Variants in RPUSD4 observed in about 807,000 individuals in gnomAD.
The protein encoded by RPUSD4 is RNA pseudouridine synthase D4, also known as pseudouridylate synthase RPUSD4, mitochondrial.
RPUSD4 carries 37 observed loss-of-function variants against 35.4 expected under a neutral mutation model. That is an observed-to-expected ratio of 1.04 (90% CI 0.80 to 1.37). The LOEUF (loss-of-function observed/expected upper bound fraction) is 1.37, where lower values mean the gene tolerates loss of function less well. Ranked by LOEUF, RPUSD4 falls within the 40% of genes most tolerant of loss-of-function variation. RPUSD4 has a pLI of 0.00. For missense variants in RPUSD4, 507 were observed against 484.9 expected (o/e 1.05, Z -0.43); for synonymous variants, 210 against 192.7 (o/e 1.09, Z -0.74).
intron 5 of RPUSD4, among the ~76,000 whole-genome samples, chr11:126,204,864 C>T (rs1419429726): frequency 1.3e-5 from 2 of 152,140 alleles, no homozygotes; most frequent in African/African-American, 4.8e-5. Context: ...TTTACCCTAC[C>T]CTAAGATTTT....
chr11:126,211,105 A>G (rs1237789349), intron 1 of RPUSD4, 50 bp from the exon 2 acceptor site: 1 of 1,595,764 alleles, frequency 6.3e-7, no homozygotes, highest in Admixed American at 1.7e-5. Context: ...GAAGCCGTGG[A>G]GAAGACCTTC....
In RPUSD4 at chr11:126,205,546, C is replaced by T; in HGVS notation, c.718G>A (p.Ala240Thr). 1.9e-6 allele frequency: 3 copies of T among 1,614,260 alleles called. No individual in the cohort carries two copies. Among genetic ancestry groups the T allele is most frequent in the Non-Finnish European group, 2.5e-6 (3 of 1,180,038 alleles). ...KMVKVRRSRN[A>T]QVAVTQYQVL... ...TGGTACTGAGTTACAGCAACTTGCG[C>T]ATTCCGGCTGCGCCGCACTTTCACC... Residue 240 changes from alanine to threonine, a missense_variant, in exon 5 of 7, where the codon GCG (alanine) becomes ACG (threonine). Coordinates refer to ENST00000298317, the MANE Select transcript of RPUSD4 (RefSeq NM_032795.3).
At chr11:126,206,991 C>A (rs532125071) in intron 3 of RPUSD4, among the ~76,000 whole-genome samples, 1 of 152,124 alleles carries the variant, frequency 6.6e-6, no homozygotes, top group Non-Finnish European at 1.5e-5. Flanking sequence ...AGAATGGTTA[C>A]CAATTTTGAA....
intron 6 of RPUSD4, 145 bp from the exon 7 acceptor site, chr11:126,203,802 G>C (rs1322956688): frequency 4.7e-6 from 5 of 1,066,106 alleles, no homozygotes; most frequent in Non-Finnish European, 5.2e-6. Flanking sequence ...TCAGTGGCAT[G>C]TCTAAGAACG....
chr11:126,210,402 T>C (rs1334199345), intron 2 of RPUSD4, among the ~76,000 whole-genome samples: 1 of 152,198 alleles, frequency 6.6e-6, no homozygotes, highest in Non-Finnish European at 1.5e-5. Context: ...AAATCAATCT[T>C]TCCTGATTCA....
In RPUSD4 at chr11:126,205,729, T is replaced by G; in HGVS notation, c.610A>C (p.Ile204Leu). 2.5e-6 allele frequency: 4 copies of G among 1,613,326 alleles called. No homozygotes were observed. Among genetic ancestry groups the G allele is most frequent in the Non-Finnish European group, 3.4e-6 (4 of 1,179,526 alleles). The change falls in exon 4 of 7, where the codon ATT becomes CTT. Residue 204 changes from isoleucine (I) to leucine (L), a missense_variant. Coordinates refer to ENST00000298317, the MANE Select transcript of RPUSD4 (RefSeq NM_032795.3). Reference protein sequence around the residue: ...MPSAGVVDIPIVEKEAQGQQQ... With the variant: ...MPSAGVVDIPLVEKEAQGQQQ... ...TGGCCTTGCGCCTCCTTCTCCACAATGGGGATGTCCACGACTCCTGCTGAG... is the reference window on the plus strand; with the variant it reads ...TGGCCTTGCGCCTCCTTCTCCACAAGGGGGATGTCCACGACTCCTGCTGAG...
chr11:126,208,715 A>G (rs549975603), intron 3 of RPUSD4: 1 of 152,374 alleles, frequency 6.6e-6, no homozygotes, highest in South Asian at 2.1e-4. Flanking sequence ...CCAGACACGC[A>G]TATACTGCGT....
At chr11:126,210,216 G>A (rs904079861) in intron 2 of RPUSD4, among the ~76,000 whole-genome samples, 2 of 151,938 alleles carry the variant, frequency 1.3e-5, no homozygotes, top group Non-Finnish European at 2.9e-5. Flanking sequence ...ACTTCATTGG[G>A]GAATGGAAAG....
intron 5 of RPUSD4, among the ~76,000 whole-genome samples, chr11:126,204,907 T>C (rs1447649435): frequency 2.6e-5 from 4 of 152,230 alleles, no homozygotes; most frequent in Non-Finnish European, 4.4e-5. Flanking sequence ...TCTCTATACA[T>C]CTGACTCTTC....
chr11:126,205,591 G>C lies in RPUSD4; in HGVS notation c.673C>G (p.Arg225Gly), dbSNP rs775753062. The change falls in exon 5 of 7, where the codon CGC (arginine) becomes GGC (glycine). Residue 225 changes from arginine (R) to glycine (G), a missense_variant. By Grantham distance (125) the Arg-to-Gly change is moderately radical. Coordinates refer to ENST00000298317, the MANE Select transcript of RPUSD4 (RefSeq NM_032795.3). ...TTCACCATTTTCCCATCGTCCATGCGGTAGCTCGGGGACAATGTCATCTGA... is the reference window on the plus strand; with the variant it reads ...TTCACCATTTTCCCATCGTCCATGCCGTAGCTCGGGGACAATGTCATCTGA... The part of the protein sequence containing the change: ...HHKMTLSPSY[R>G]MDDGKMVKVR... 6.2e-7 allele frequency: 1 copy of C among 1,614,142 alleles called. No homozygotes were observed. The highest frequency in any genetic ancestry group is 1.3e-5 in the African/African-American group (1 of 74,940).
rs149813947 is a variant in RPUSD4 at position 126,205,782 on chromosome 11, C to T, written c.558-1G>A. The T allele has an allele frequency of 2.0e-3, 3,197 of 1,594,092 alleles. No individual in the cohort carries two copies. Among genetic ancestry groups the T allele is most frequent in the Non-Finnish European group, 2.5e-3 (2,918 of 1,167,682 alleles). On this transcript the variant is annotated splice_acceptor_variant, in intron 3 of 6. Coordinates refer to ENST00000298317, the MANE Select transcript of RPUSD4 (RefSeq NM_032795.3). LOFTEE classifies it high-confidence loss of function. The stretch of plus-strand genomic sequence containing the variant: ...CATGGGGACATGCACAGTGATGGCC[C>T]TGGGGGTGACACAGATCACTGCTTT...
In RPUSD4 at chr11:126,203,847, C is replaced by CA. The variant is rs112803323; in HGVS notation, c.895-191dup. Among the ~76,000 whole-genome samples, 1,114 of 152,224 alleles carry CA rather than the reference C, an allele frequency of 7.3e-3. 10 individuals are homozygous for CA. The highest frequency in any genetic ancestry group is 0.026 in the African/African-American group (1,063 of 41,512). ...TCAGGTAAGGGAAAAATGACCACACCAAGACATTCTTTTTGGCCAGTGCTT... is the reference window on the plus strand; with the variant it reads ...TCAGGTAAGGGAAAAATGACCACACCAAAGACATTCTTTTTGGCCAGTGCTT... On this transcript the variant is annotated intron_variant, in intron 6 of 6. Transcript: ENST00000298317.
chr11:126,208,575 G>A (rs1028060293), intron 3 of RPUSD4: 4 of 152,228 alleles, frequency 2.6e-5, no homozygotes, highest in African/African-American at 9.7e-5. Context: ...ACCTCTATGT[G>A]CTAACACAGG....
chr11:126,206,823 T>A (rs577296732), intron 3 of RPUSD4, among the ~76,000 whole-genome samples: 1 of 152,314 alleles, frequency 6.6e-6, no homozygotes, highest in Admixed American at 6.5e-5. Flanking sequence ...TCCACTTCAG[T>A]TTCAGCTACT....
In RPUSD4 at chr11:126,210,776, T is replaced by C. The variant is rs189401575; in HGVS notation, c.355+114A>G. ...TATATTGGACGGTAGTTTACAAAAG[T>C]TTAATTAATTTGAATGCAAGGCTTT... On this transcript the variant is annotated intron_variant, in intron 2 of 6. Transcript: ENST00000298317. 5.8e-5 allele frequency: 62 copies of C among 1,072,394 alleles called. No individual in the cohort carries two copies. The East Asian group carries it at 1.2e-3, about 20-fold the overall frequency. 66.4% of individuals were successfully genotyped at this position (1,072,394 alleles called of 1,614,324 possible). A position where few individuals can be genotyped will look rare whatever the true frequency, so the allele number is the denominator to read the frequency against.
At position 126,203,623 on chromosome 11, in the gene RPUSD4, AG is replaced by A; in HGVS notation, c.928del (p.Leu310Ter). 1 of 1,613,710 alleles carries A rather than the reference AG, an allele frequency of 6.2e-7. No individual in the cohort carries two copies. Among genetic ancestry groups the A allele is most frequent in the Admixed American group, 1.7e-5 (1 of 60,024 alleles). ...GATGTAGCGGGCCTTCGACTGTTCTAGCCCCAGCTTCTTCAGGGTGCCCACA... is the reference window on the plus strand; with the variant it reads ...GATGTAGCGGGCCTTCGACTGTTCTACCCCAGCTTCTTCAGGGTGCCCACA... ...LSVGTLKKLG[L>X]EQSKARYIPL... On this transcript the variant is annotated frameshift_variant, in exon 7 of 7. Coordinates refer to ENST00000298317, the MANE Select transcript of RPUSD4 (RefSeq NM_032795.3). LOFTEE classifies it low-confidence loss of function (END_TRUNC).
chr11:126,203,598 G>A lies in RPUSD4; in HGVS notation c.954C>T (p.Ile318=), dbSNP rs1436690630. ...GCTGCCGGGCGTGCAGGTGAAGGGG[G>A]ATGTAGCGGGCCTTCGACTGTTCTA... ...LGLEQSKARY[I]PLHLHARQLI... is the part of the protein sequence containing the mutation. The change falls in exon 7 of 7, where the codon ATC becomes ATT. Residue 318 remains isoleucine (I), a synonymous_variant. Transcript: ENST00000298317. 6.2e-7 allele frequency: 1 copy of A among 1,614,216 alleles called. No individual in the cohort carries two copies. Among genetic ancestry groups the A allele is most frequent in the Non-Finnish European group, 8.5e-7 (1 of 1,180,024 alleles).
chr11:126,211,600 G>C lies in RPUSD4; in HGVS notation c.39C>G (p.Ile13Met). The change falls in exon 1 of 7, where the codon ATC (isoleucine) becomes ATG (methionine). Residue 13 changes from isoleucine to methionine, a missense_variant. Coordinates refer to ENST00000298317, the MANE Select transcript of RPUSD4 (RefSeq NM_032795.3). ...TCCCGCAACCTTGGCCGTTTCCCCG[G>C]ATCCAGGGGCCCGACGCGCTCCACC... ...APRWSASGPW[I>M]RGNGQGCGSL... 1 of 1,614,096 alleles carries C rather than the reference G, an allele frequency of 6.2e-7. No individual in the cohort carries two copies. Among genetic ancestry groups the C allele is most frequent in the African/African-American group, 1.3e-5 (1 of 75,058 alleles).
At chr11:126,204,635 T>A (rs1949750660) in intron 5 of RPUSD4, among the ~76,000 whole-genome samples, 1 of 152,218 alleles carries the variant, frequency 6.6e-6, no homozygotes, top group Non-Finnish European at 1.5e-5. Flanking sequence ...TTTTACTACA[T>A]AAGTAGTATT....
Sources: allele counts gnomAD v4.1 joint callset (sites outside exome capture counted in the v4.1 genomes callset), GRCh38; gene constraint gnomAD v4.1.1; transcripts MANE v1.5; gene names NCBI Gene and HGNC (gene_info 2026-07-23, HGNC 2026-07-21).